KANSL1: variants seen among roughly 807,000 people sequenced by gnomAD.
The protein encoded by KANSL1 is MLL1/MLL complex subunit KANSL1.
In KANSL1, 22 loss-of-function variants were observed where a neutral mutation model predicts 103.6. That is an observed-to-expected ratio of 0.21 (90% CI 0.15 to 0.30). The LOEUF is 0.30. Ranked by LOEUF, KANSL1 falls within the 10% of genes least tolerant of loss-of-function variation. KANSL1 has a pLI of 1.00. For synonymous variants in KANSL1, 600 were observed against 527.6 expected, an observed-to-expected ratio of 1.14 and a Z score of -1.88; for missense variants, 1,337 against 1,399.8, an observed-to-expected ratio of 0.96 and a Z score of 0.72.
intron 4 of KANSL1, among the ~76,000 whole-genome samples, chr17:46,081,091 G>A (rs1395031475): frequency 6.6e-6 from 1 of 152,198 alleles, no homozygotes; most frequent in East Asian, 1.9e-4. Flanking sequence ...CAATCACTGT[G>A]GATTTTTTAA....
chr17:46,201,614 G>A (rs1312137252), intron 1 of KANSL1, among the ~76,000 whole-genome samples: 1 of 151,960 alleles, frequency 6.6e-6, no homozygotes, highest in African/African-American at 2.4e-5. Context: ...GCTCATGCCT[G>A]TAATCCTAAC....
intron 2 of KANSL1, among the ~76,000 whole-genome samples, chr17:46,129,774 T>C (rs2043755638): frequency 6.6e-6 from 1 of 151,986 alleles, no homozygotes; most frequent in Admixed American, 6.6e-5. Context: ...CAGTCTCAAC[T>C]CTCCCTTGTG....
chr17:46,173,437 A>G (rs564599728), intron 1 of KANSL1, among the ~76,000 whole-genome samples: 1 of 152,274 alleles, frequency 6.6e-6, no homozygotes, highest in South Asian at 2.1e-4. Context: ...AATCTCAGTC[A>G]TTTGCCTCTG....
At chr17:46,109,476 C>T (rs1256072439) in intron 2 of KANSL1, among the ~76,000 whole-genome samples, 1 of 152,090 alleles carries the variant, frequency 6.6e-6, no homozygotes, top group African/African-American at 2.4e-5. Context: ...GAAAAATATT[C>T]TGTCATGTTC....
At chr17:46,158,887 A>G (rs1293978461) in intron 2 of KANSL1, among the ~76,000 whole-genome samples, 1 of 152,228 alleles carries the variant, frequency 6.6e-6, no homozygotes, top group East Asian at 1.9e-4. Context: ...AGCTTGATTA[A>G]GCTAAAAAGA....
intron 1 of KANSL1, among the ~76,000 whole-genome samples, chr17:46,182,549 C>CTG (rs1311482165): frequency 6.6e-6 from 1 of 152,216 alleles, no homozygotes; most frequent in Non-Finnish European, 1.5e-5. Context: ...AACAGGGCTT[C>CTG]TTAACTGAAA....
intron 7 of KANSL1, among the ~76,000 whole-genome samples, chr17:46,048,591 A>C (rs2077596437): frequency 6.6e-6 from 1 of 152,048 alleles, no homozygotes; most frequent in Non-Finnish European, 1.5e-5. Context: ...AACAAAAACA[A>C]AAACCCACCA....
intron 2 of KANSL1, among the ~76,000 whole-genome samples, chr17:46,118,745 G>GA (rs1432583390): frequency 6.6e-6 from 1 of 152,162 alleles, no homozygotes; most frequent in African/African-American, 2.4e-5. Flanking sequence ...ATGGGGGAGG[G>GA]AGGCAAGGAA....
At chr17:46,216,616 A>AAAAAAAT (rs778351416) in intron 1 of KANSL1, among the ~76,000 whole-genome samples, 50 of 147,826 alleles carry the variant, frequency 3.4e-4, no homozygotes, top group Middle Eastern at 3.5e-3. Context: ...AAAAAAAAAA[A>AAAAAAAT]GTTTCAAAGA....
intron 10 of KANSL1, 80 bp downstream of exon 10, chr17:46,038,458 C>CTCA: frequency 6.6e-7 from 1 of 1,506,602 alleles, no homozygotes; most frequent in South Asian, 1.3e-5. Flanking sequence ...ATAACCCACC[C>CTCA]TCACACTGTC....
chr17:46,085,185 G>C (rs1486574413), intron 3 of KANSL1, among the ~76,000 whole-genome samples: 1 of 151,994 alleles, frequency 6.6e-6, no homozygotes, highest in African/African-American at 2.4e-5. Context: ...TGGAGGTAAG[G>C]GTTATTAGTC....
chr17:46,088,259 A>T (rs1189046355), intron 3 of KANSL1, among the ~76,000 whole-genome samples: 1 of 152,174 alleles, frequency 6.6e-6, no homozygotes, highest in Non-Finnish European at 1.5e-5. Context: ...GCTAACAGGC[A>T]ATTTCACATA....
In KANSL1 at chr17:46,172,245, G is replaced by A. The variant is rs916903534; in HGVS notation, c.-89-13C>T. On this transcript the variant is annotated splice_polypyrimidine_tract_variant and intron_variant, in intron 1 of 14. Coordinates refer to ENST00000432791, the MANE Select transcript of KANSL1 (RefSeq NM_015443.4). ...CCCAGAGAACAGACTAGAAGAGAAA[G>A]GAGAAAAGAATATTAGAAATACAAG... 5 of 1,122,568 alleles carry A rather than the reference G, an allele frequency of 4.5e-6. No individual in the cohort carries two copies. Among genetic ancestry groups the A allele is most frequent in the Admixed American group, 2.9e-5 (1 of 34,862 alleles). The allele number at this position is 1,122,568 out of a possible 1,614,324, so 69.5% of individuals were successfully genotyped here. A position where few individuals can be genotyped will look rare whatever the true frequency, so the allele number is the denominator to read the frequency against.
chr17:46,031,734 C>T lies in KANSL1; in HGVS notation c.3091-31G>A, dbSNP rs368689072. 5.8e-6 allele frequency: 9 copies of T among 1,542,638 alleles called. No individual in the cohort carries two copies. The African/African-American group carries it at 1.1e-4, about 19-fold the overall frequency. On this transcript the variant is annotated intron_variant, in intron 14 of 14. Coordinates refer to ENST00000432791, the MANE Select transcript of KANSL1 (RefSeq NM_015443.4). ...GGCAGACAAGTTGCTCTTTGAGGAC[C>T]CAGTCCCAGCCAGCCTGCTTCCTGC... is the stretch of plus-strand genomic sequence containing the variant.
chr17:46,168,213 C>T (rs2046100917), intron 2 of KANSL1, among the ~76,000 whole-genome samples: 1 of 152,246 alleles, frequency 6.6e-6, no homozygotes, highest in South Asian at 2.1e-4. Context: ...TGGTCAACTG[C>T]TGAAAACCTT....
chr17:46,224,954 T>A (rs2048639248), upstream of KANSL1: 1 of 151,496 alleles, frequency 6.6e-6, no homozygotes, highest in Non-Finnish European at 1.5e-5. Flanking sequence ...CTTCCCTTCC[T>A]CTCCGCGTCG....
At chr17:46,179,547 A>G (rs2046683396) in intron 1 of KANSL1, among the ~76,000 whole-genome samples, 1 of 152,232 alleles carries the variant, frequency 6.6e-6, no homozygotes, top group Admixed American at 6.5e-5. Flanking sequence ...TTCCTTCACC[A>G]TTACCTCATT....
chr17:46,062,114 C>G (rs142549088), intron 6 of KANSL1, among the ~76,000 whole-genome samples: 1 of 37,124 alleles, frequency 2.7e-5, no homozygotes, highest in African/African-American at 6.8e-5. Flanking sequence ...AAAAAACAAA[C>G]AAACAAAAAA....
chr17:46,038,511 TCCGG>T (rs768530197), intron 10 of KANSL1, 23 bp downstream of exon 10: 8 of 1,611,064 alleles, frequency 5.0e-6, no homozygotes, highest in Middle Eastern at 1.7e-4. Context: ...AGAGGGGGTG[TCCGG>T]CCAACCCCAC....
Sources: allele counts gnomAD v4.1 joint callset (sites outside exome capture counted in the v4.1 genomes callset), GRCh38; gene constraint gnomAD v4.1.1; transcripts MANE v1.5; gene names NCBI Gene and HGNC (gene_info 2026-07-23, HGNC 2026-07-21).